The following HBS1L variants were observed in gnomAD, a reference collection of about 807,000 sequenced individuals.
HBS1L encodes the protein HBS1-like protein.
A neutral mutation model predicts 88.9 loss-of-function variants in HBS1L; 55 were observed. The ratio of observed to expected loss-of-function variants is 0.62; its 90% confidence interval spans 0.50 to 0.77. The LOEUF is 0.77. Ranked by LOEUF, HBS1L falls within the 30% of genes least tolerant of loss-of-function variation. HBS1L has a pLI of 0.00. For missense variants in HBS1L, 741 were observed against 829.3 expected (o/e 0.89, Z 1.31); for synonymous variants, 267 against 288.5 (o/e 0.93, Z 0.76).
At chr6:134,969,170 C>T (rs1413347262) in intron 16 of HBS1L, 68 bp downstream of exon 16, 4 of 1,014,924 alleles carry the variant, frequency 3.9e-6, no homozygotes, top group Admixed American at 1.8e-5. Flanking sequence ...AAATACTACA[C>T]AAATGAGTTA....
Position 135,036,495 on chromosome 6 carries a change from C to T in HBS1L, c.430+3078G>A, listed in dbSNP as rs1225457217. On this transcript the variant is annotated intron_variant, in intron 4 of 17. Transcript: ENST00000367837. ...TTTGAATCCCATAATATAAAGTGAT[C>T]CTCTGAAGACTTTAATTAAAAATAA... The T allele has an allele frequency of 3.6e-6, 5 of 1,386,560 alleles. No homozygotes were observed. In the East Asian group the frequency reaches 1.3e-4, roughly 36 times the overall value. The allele number at this position is 1,386,560 out of a possible 1,614,324, so 85.9% of individuals were successfully genotyped here.
At chr6:135,036,426 T>C (rs1776550592) in intron 4 of HBS1L, 3 of 1,348,052 alleles carry the variant, frequency 2.2e-6, no homozygotes, top group African/African-American at 1.5e-5. Context: ...AAAATACGTA[T>C]CAACTAATCA....
At chr6:135,053,430 G>A (rs1287005276) in intron 1 of HBS1L, among the ~76,000 whole-genome samples, 1 of 152,170 alleles carries the variant, frequency 6.6e-6, no homozygotes, top group Non-Finnish European at 1.5e-5. Flanking sequence ...TTAAAGAAAT[G>A]AATGAATAAT....
intron 4 of HBS1L, among the ~76,000 whole-genome samples, chr6:135,012,703 A>T (rs1429051689): frequency 6.6e-6 from 1 of 152,138 alleles, no homozygotes; most frequent in East Asian, 1.9e-4. Context: ...CCTGACATAA[A>T]CACTCTTGTT....
At chr6:135,001,888 A>T (rs9688342) in intron 5 of HBS1L, among the ~76,000 whole-genome samples, 70,377 of 150,990 alleles carry the variant, frequency 0.47, 16,735 homozygotes, top group South Asian at 0.56. Flanking sequence ...AAGGAAAAAA[A>T]AAATAAATAA....
At position 134,969,124 on chromosome 6, in the gene HBS1L, G is replaced by C. The variant is rs1427473139; in HGVS notation, c.1898+114C>G. 1.9e-5 allele frequency: 13 copies of C among 672,576 alleles called. No individual in the cohort carries two copies. The South Asian group carries it at 2.2e-4, about 12-fold the overall frequency. The allele number at this position is 672,576 out of a possible 1,614,324, so 41.7% of individuals were successfully genotyped here. The stretch of plus-strand genomic sequence containing the variant: ...CTAGCCCTTGAAAAAATAATTTCTG[G>C]AACAAGTAAAAATGGGTTTCACTTA... On this transcript the variant is annotated intron_variant, in intron 16 of 17. Coordinates refer to ENST00000367837, the MANE Select transcript of HBS1L (RefSeq NM_006620.4).
chr6:134,988,057 C>T (rs1775028019), intron 8 of HBS1L, among the ~76,000 whole-genome samples: 1 of 151,928 alleles, frequency 6.6e-6, no homozygotes, highest in African/African-American at 2.4e-5. Context: ...AAAATATAAA[C>T]AAAATTAAAA....
chr6:134,968,890 T>G (rs1391482102), intron 16 of HBS1L, among the ~76,000 whole-genome samples: 1 of 152,172 alleles, frequency 6.6e-6, no homozygotes, highest in Non-Finnish European at 1.5e-5. Context: ...CAGTAGAAAT[T>G]TGGAACCGGT....
intron 1 of HBS1L, among the ~76,000 whole-genome samples, chr6:135,053,844 G>A (rs1214707644): frequency 6.6e-6 from 1 of 152,214 alleles, no homozygotes. Context: ...ACTGCATGAA[G>A]AGGGATGTGC....
chr6:135,037,525 A>G, intron 4 of HBS1L: 1 of 1,550,540 alleles, frequency 6.4e-7, no homozygotes, highest in Non-Finnish European at 8.7e-7. Flanking sequence ...CTGTACTGGA[A>G]TGTTTTGAAA....
chr6:134,966,499 G>A, intron 16 of HBS1L, 26 bp from the exon 17 acceptor site: 1 of 1,504,234 alleles, frequency 6.6e-7, no homozygotes, highest in Non-Finnish European at 9.0e-7. Context: ...AAGAACAAAT[G>A]AATATATGAT....
chr6:134,989,494 C>A (rs1490341651), intron 8 of HBS1L, among the ~76,000 whole-genome samples: 1 of 152,126 alleles, frequency 6.6e-6, no homozygotes, highest in Non-Finnish European at 1.5e-5. Context: ...TTCTTTGTTG[C>A]TTCCCCAATG....
At chr6:135,037,793 G>A (rs1218516850) in intron 4 of HBS1L, 2 of 1,548,446 alleles carry the variant, frequency 1.3e-6, no homozygotes, top group Non-Finnish European at 1.7e-6. Context: ...GCTAGTGAAA[G>A]TTCTTTTGTT....
rs145181818 is a variant in HBS1L, at chr6:135,001,707, T to C, written c.539+1027A>G. Among the ~76,000 whole-genome samples, 13 of 152,268 alleles carry C rather than the reference T, an allele frequency of 8.5e-5. 1 individual carries two copies. The highest frequency in any genetic ancestry group is 2.9e-4 in the African/African-American group (12 of 41,578). Reference sequence around the variant, plus strand: ...TTCATTCATCCAATCATTCAATTAATGTACACTGAATGCCTACTATGTCCT... The same window carrying C: ...TTCATTCATCCAATCATTCAATTAACGTACACTGAATGCCTACTATGTCCT... On this transcript the variant is annotated intron_variant, in intron 5 of 17. Coordinates refer to ENST00000367837, the MANE Select transcript of HBS1L (RefSeq NM_006620.4).
At chr6:135,011,514 T>TG (rs1388971856) in intron 4 of HBS1L, among the ~76,000 whole-genome samples, 1 of 152,174 alleles carries the variant, frequency 6.6e-6, no homozygotes, top group Non-Finnish European at 1.5e-5. Flanking sequence ...AGCGAGGCAT[T>TG]GTCTCTTTAA....
intron 1 of HBS1L, 57 bp downstream of exon 1, chr6:135,054,592 G>A (rs1777188523): frequency 1.3e-6 from 2 of 1,595,418 alleles, no homozygotes; most frequent in Admixed American, 1.7e-5. Flanking sequence ...ATGCCAACGG[G>A]CTAGGATCCC....
At chr6:135,027,074 C>A (rs1776248183) in intron 4 of HBS1L, 1 of 150,642 alleles carries the variant, frequency 6.6e-6, no homozygotes, top group Non-Finnish European at 1.5e-5. Context: ...CACCTGTAAT[C>A]CCAGATATTC....
intron 8 of HBS1L, among the ~76,000 whole-genome samples, chr6:134,990,854 G>A (rs1775112531): frequency 6.6e-6 from 1 of 152,038 alleles, no homozygotes; most frequent in South Asian, 2.1e-4. Flanking sequence ...ACCTGGCCTG[G>A]AATAAACGAT....
chr6:135,017,767 AC>A (rs1562298830), intron 4 of HBS1L, among the ~76,000 whole-genome samples: 1 of 151,968 alleles, frequency 6.6e-6, no homozygotes, highest in Non-Finnish European at 1.5e-5. Flanking sequence ...ATCATGAGTG[AC>A]CTTTTTCCCT....
Sources: allele counts gnomAD v4.1 joint callset (sites outside exome capture counted in the v4.1 genomes callset), GRCh38; gene constraint gnomAD v4.1.1; transcripts MANE v1.5; gene names NCBI Gene and HGNC (gene_info 2026-07-23, HGNC 2026-07-21).